Variants in NRXN3 observed in about 807,000 individuals in gnomAD.
The protein encoded by NRXN3 is neurexin III.
NRXN3 carries 32 observed loss-of-function variants against 137.6 expected under a neutral mutation model. That is an observed-to-expected ratio of 0.23 (90% CI 0.18 to 0.31). The LOEUF (loss-of-function observed/expected upper bound fraction) is 0.31, where lower values mean the gene tolerates loss of function less well. Among genes scored for constraint, NRXN3 ranks in the 10% least tolerant of loss-of-function variants. NRXN3 has a pLI of 1.00. For missense variants in NRXN3, 1,574 were observed against 2,062.5 expected (o/e 0.76, Z 4.59); for synonymous variants, 798 against 784.5 (o/e 1.02, Z -0.29).
At chr14:78,970,287 G>T (rs1359340329) in intron 14 of NRXN3, among the ~76,000 whole-genome samples, 1 of 152,168 alleles carries the variant, frequency 6.6e-6, no homozygotes, top group East Asian at 1.9e-4. Flanking sequence ...TTTTAAAAAG[G>T]TATAAAGTAA....
At chr14:78,662,579 G>A (rs2097850288) in intron 6 of NRXN3, among the ~76,000 whole-genome samples, 1 of 151,958 alleles carries the variant, frequency 6.6e-6, no homozygotes, top group African/African-American at 2.4e-5. Context: ...GTTATCGAGG[G>A]GATTCTGGAA....
intron 17 of NRXN3, among the ~76,000 whole-genome samples, chr14:79,677,071 T>C (rs1012754419): frequency 6.6e-6 from 1 of 152,210 alleles, no homozygotes; most frequent in African/African-American, 2.4e-5. Context: ...GCATTAACTA[T>C]AAATACTTTT....
intron 16 of NRXN3, among the ~76,000 whole-genome samples, chr14:79,633,014 A>C (rs535307500): frequency 6.6e-6 from 1 of 152,286 alleles, no homozygotes; most frequent in South Asian, 2.1e-4. Context: ...TGCAAATAAG[A>C]AAACTGAGAA....
intron 6 of NRXN3, among the ~76,000 whole-genome samples, chr14:78,657,139 C>T (rs911221259): frequency 2.0e-5 from 3 of 148,362 alleles, no homozygotes; most frequent in Non-Finnish European, 4.5e-5. Flanking sequence ...TTTAACATTA[C>T]TGCAGACAAC....
intron 1 of NRXN3, among the ~76,000 whole-genome samples, chr14:78,181,698 C>T (rs2059822412): frequency 6.6e-6 from 1 of 152,160 alleles, no homozygotes; most frequent in Non-Finnish European, 1.5e-5. Flanking sequence ...AGCCTGTCAG[C>T]AGCAACCATC....
chr14:79,471,313 C>T (rs986295993), intron 16 of NRXN3, among the ~76,000 whole-genome samples: 1 of 152,116 alleles, frequency 6.6e-6, no homozygotes, highest in Non-Finnish European at 1.5e-5. Context: ...ATGAGAACAG[C>T]GGGCAAATCC....
At chr14:78,764,311 G>C (rs758283375) in intron 8 of NRXN3, among the ~76,000 whole-genome samples, 3 of 152,170 alleles carry the variant, frequency 2.0e-5, no homozygotes, top group Non-Finnish European at 2.9e-5. Flanking sequence ...AGTTAGAGAA[G>C]ACAGATGACC....
chr14:79,302,792 T>C (rs1268944398), intron 15 of NRXN3, among the ~76,000 whole-genome samples: 1 of 151,976 alleles, frequency 6.6e-6, no homozygotes, highest in African/African-American at 2.4e-5. Flanking sequence ...TGATTGTAAG[T>C]TTCCTGAGGC....
chr14:78,827,240 G>T (rs542022992), intron 10 of NRXN3, among the ~76,000 whole-genome samples: 1 of 147,722 alleles, frequency 6.8e-6, no homozygotes. Flanking sequence ...TACTATTGCT[G>T]CAGAAATCCT....
intron 10 of NRXN3, among the ~76,000 whole-genome samples, chr14:78,948,855 G>A (rs2099378141): frequency 6.6e-6 from 1 of 152,056 alleles, no homozygotes; most frequent in African/African-American, 2.4e-5. Context: ...ACTCAGGGAT[G>A]TAAACATGGA....
chr14:78,898,937 C>CA (rs2099186848), intron 10 of NRXN3, among the ~76,000 whole-genome samples: 1 of 151,928 alleles, frequency 6.6e-6, no homozygotes, highest in South Asian at 2.1e-4. Flanking sequence ...ATAGTAGCCT[C>CA]ACGCTCTGGG....
chr14:79,504,655 G>GTA (rs994714026), intron 16 of NRXN3, among the ~76,000 whole-genome samples: 6,116 of 104,156 alleles, frequency 0.059, 585 homozygotes, highest in African/African-American at 0.16. Flanking sequence ...ATATATATAT[G>GTA]TATATATATA....
At chr14:79,831,415 G>T (rs2099323127) in intron 20 of NRXN3, among the ~76,000 whole-genome samples, 1 of 152,188 alleles carries the variant, frequency 6.6e-6, no homozygotes, top group Non-Finnish European at 1.5e-5. Context: ...CCTCTGGTTA[G>T]ACAAAGGCTT....
At position 79,861,881 on chromosome 14, in the gene NRXN3, G is replaced by A. The variant is rs750222782; in HGVS notation, c.4633G>A (p.Gly1545Ser). The A allele has an allele frequency of 2.5e-6, 4 of 1,613,882 alleles. No homozygotes were observed. Among genetic ancestry groups the A allele is most frequent in the Admixed American group, 3.3e-5 (2 of 59,978 alleles). ...CATCAGCAACTCCGCCCAGAGCAACGGCACGCTCATGAAGGAGAAGCAGCA... is the reference window on the plus strand; with the variant it reads ...CATCAGCAACTCCGCCCAGAGCAACAGCACGCTCATGAAGGAGAAGCAGCA... The part of the protein sequence containing the change: ...NYISNSAQSN[G>S]TLMKEKQQSS... Residue 1545 changes from glycine (G) to serine (S), a missense_variant, in exon 21 of 21, where the codon GGC (glycine) becomes AGC (serine). By Grantham distance (56) the Gly-to-Ser change is moderately conservative (BLOSUM62 0). Transcript: ENST00000335750. The surrounding 1 kb of genome is among the most constrained non-coding windows in gnomAD (Gnocchi z 5.4).
chr14:79,076,432 C>T (rs991727554), intron 15 of NRXN3, among the ~76,000 whole-genome samples: 1 of 152,152 alleles, frequency 6.6e-6, no homozygotes, highest in Non-Finnish European at 1.5e-5. Flanking sequence ...TCAGTCACCT[C>T]AACTTGGGAG....
chr14:78,757,176 G>A (rs904998822), intron 8 of NRXN3, among the ~76,000 whole-genome samples: 9 of 152,066 alleles, frequency 5.9e-5, no homozygotes, highest in South Asian at 2.1e-4. Flanking sequence ...GGGAGGCCGA[G>A]GGGGGCAGAC....
intron 16 of NRXN3, among the ~76,000 whole-genome samples, chr14:79,613,381 G>A (rs1042398412): frequency 1.3e-5 from 2 of 152,118 alleles, no homozygotes; most frequent in Middle Eastern, 3.2e-3. Context: ...CTCAATCAAT[G>A]GTTCTAAGAG....
chr14:79,381,965 C>T (rs1346729983), intron 15 of NRXN3, among the ~76,000 whole-genome samples: 1 of 152,160 alleles, frequency 6.6e-6, no homozygotes, highest in African/African-American at 2.4e-5. Flanking sequence ...ACTCCTTGTA[C>T]TCTGAAGTAG....
At chr14:78,248,256 A>G (rs979102674) in intron 2 of NRXN3, among the ~76,000 whole-genome samples, 1 of 141,194 alleles carries the variant, frequency 7.1e-6, no homozygotes, top group Non-Finnish European at 1.5e-5. Flanking sequence ...CCTTATTATA[A>G]GCACACCGTT....
Sources: allele counts gnomAD v4.1 joint callset (sites outside exome capture counted in the v4.1 genomes callset), GRCh38; gene constraint gnomAD v4.1.1; non-coding constraint Gnocchi (gnomAD v3.1); transcripts MANE v1.5; gene names NCBI Gene and HGNC (gene_info 2026-07-23, HGNC 2026-07-21).